The following ASCC1 variants were observed in gnomAD, a reference collection of about 807,000 sequenced individuals.
The protein encoded by ASCC1 is ASC-1 complex subunit P50.
In ASCC1, 35 loss-of-function variants were observed where a neutral mutation model predicts 46.6. The observed-to-expected ratio is 0.75, with a 90% confidence interval of 0.57 to 0.99. The LOEUF (loss-of-function observed/expected upper bound fraction) is 0.99. ASCC1 is among the 50% of genes least tolerant of loss of function. The probability of loss-of-function intolerance (pLI) is 0.00; values close to 1 mark genes in which losing one functional copy is unlikely to be tolerated. For synonymous variants in ASCC1, 143 were observed against 146.6 expected (o/e 0.98, Z 0.18); for missense variants, 376 against 428.7 (o/e 0.88, Z 1.09).
intron 5 of ASCC1, among the ~76,000 whole-genome samples, chr10:72,172,651 T>C (rs908275186): frequency 6.9e-6 from 1 of 144,958 alleles, no homozygotes; most frequent in Non-Finnish European, 1.5e-5. Flanking sequence ...CAGCCCAATG[T>C]TGAGATGTTT....
At position 72,190,526 on chromosome 10, in the gene ASCC1, A is replaced by G. The variant is rs1854261201; in HGVS notation, c.489+6285T>C. 6 of 1,564,950 alleles carry G rather than the reference A, an allele frequency of 3.8e-6. No homozygotes were observed. The African/African-American group carries it at 5.4e-5, about 14-fold the overall frequency. Reference sequence around the variant, plus strand: ...CCACCACACTATTGGTGGTTCTCGCAGGGCAGCTTGGAGAAGGCGCAATAC... The same window carrying G: ...CCACCACACTATTGGTGGTTCTCGCGGGGCAGCTTGGAGAAGGCGCAATAC... On this transcript the variant is annotated intron_variant, in intron 5 of 9. Transcript: ENST00000672957.
At chr10:72,129,998 A>C (rs1407642963) in intron 8 of ASCC1, among the ~76,000 whole-genome samples, 1 of 149,646 alleles carries the variant, frequency 6.7e-6, no homozygotes, top group African/African-American at 2.5e-5. Flanking sequence ...AAAAAAAAAA[A>C]AAAACACACA....
At chr10:72,164,651 G>A (rs944047966) in intron 5 of ASCC1, among the ~76,000 whole-genome samples, 22 of 152,272 alleles carry the variant, frequency 1.4e-4, no homozygotes, top group African/African-American at 4.3e-4. Flanking sequence ...ATATACCCAG[G>A]AGGAGAACTG....
At chr10:72,107,809 G>A (rs563351278) in intron 9 of ASCC1, among the ~76,000 whole-genome samples, 13 of 152,210 alleles carry the variant, frequency 8.5e-5, no homozygotes, top group Admixed American at 3.3e-4. Context: ...AAGGGAATGT[G>A]ATTATGTGAG....
intron 9 of ASCC1, among the ~76,000 whole-genome samples, chr10:72,117,125 A>AT (rs1188370599): frequency 6.6e-6 from 1 of 152,150 alleles, no homozygotes; most frequent in Non-Finnish European, 1.5e-5. Context: ...TAAAAAACAA[A>AT]TTTAAGCTTG....
At chr10:72,176,201 T>C (rs974716780) in intron 5 of ASCC1, among the ~76,000 whole-genome samples, 3 of 152,190 alleles carry the variant, frequency 2.0e-5, no homozygotes, top group African/African-American at 7.2e-5. Context: ...CTTCTTTCAA[T>C]AGACAGTATC....
intron 5 of ASCC1, among the ~76,000 whole-genome samples, chr10:72,178,671 G>T (rs1421389729): frequency 6.6e-6 from 1 of 152,090 alleles, no homozygotes; most frequent in Non-Finnish European, 1.5e-5. Context: ...CAGCCCACTG[G>T]GTCTTCCGAC....
chr10:72,150,398 G>C (rs1268677617), intron 7 of ASCC1, among the ~76,000 whole-genome samples: 11 of 152,156 alleles, frequency 7.2e-5, no homozygotes, highest in Admixed American at 5.9e-4. Flanking sequence ...TAGAGAATCA[G>C]ATTTTCTCTA....
chr10:72,112,300 A>G (rs1843003300), intron 9 of ASCC1, among the ~76,000 whole-genome samples: 2 of 152,326 alleles, frequency 1.3e-5, no homozygotes, highest in Middle Eastern at 6.8e-3. Context: ...TGAAAACATT[A>G]TGCTGAGTGA....
intron 7 of ASCC1, among the ~76,000 whole-genome samples, chr10:72,144,832 T>C (rs1794425754): frequency 6.6e-6 from 1 of 152,166 alleles, no homozygotes; most frequent in South Asian, 2.1e-4. Context: ...AAATATAAAA[T>C]CATTATTTTA....
At chr10:72,191,203 G>A (rs187196896) in intron 5 of ASCC1, among the ~76,000 whole-genome samples, 4,351 of 147,244 alleles carry the variant, frequency 0.03, 206 homozygotes, top group African/African-American at 0.1. Flanking sequence ...GATTACAGGC[G>A]CCCGCCACCA....
At chr10:72,148,620 A>G (rs1847914996) in intron 7 of ASCC1, among the ~76,000 whole-genome samples, 1 of 152,238 alleles carries the variant, frequency 6.6e-6, no homozygotes, top group East Asian at 1.9e-4. Context: ...ATGCTTAAAA[A>G]TTTTGATGAA....
intron 9 of ASCC1, 34 bp downstream of exon 9, chr10:72,128,048 A>G: frequency 2.0e-6 from 3 of 1,536,792 alleles, no homozygotes; most frequent in Non-Finnish European, 2.7e-6. Context: ...GACATGTGCC[A>G]AAGGATTTCC....
chr10:72,216,880 G>A (rs1200998701), upstream of ASCC1: 2 of 456,158 alleles, frequency 4.4e-6, no homozygotes, highest in Non-Finnish European at 8.8e-6. Context: ...AAATTTTACT[G>A]GGCACCTCCG....
chr10:72,202,144 A>G (rs1004231308), intron 4 of ASCC1, among the ~76,000 whole-genome samples: 28 of 152,236 alleles, frequency 1.8e-4, no homozygotes, highest in Non-Finnish European at 3.8e-4. Context: ...TTAATGAATT[A>G]TTGGAGGTTG....
At chr10:72,138,968 A>G (rs1397057637) in intron 7 of ASCC1, among the ~76,000 whole-genome samples, 2 of 152,148 alleles carry the variant, frequency 1.3e-5, no homozygotes, top group African/African-American at 4.8e-5. Context: ...GCACATAATC[A>G]GTGCTCAACA....
chr10:72,123,865 T>C (rs567448586), intron 9 of ASCC1, among the ~76,000 whole-genome samples: 8 of 152,364 alleles, frequency 5.3e-5, no homozygotes, highest in East Asian at 1.9e-4. Flanking sequence ...AGTAGTCACA[T>C]TGTTCATTTT....
rs774360944 is a variant in ASCC1 at position 72,186,903 on chromosome 10, C to CA, written c.489+9907dup. On this transcript the variant is annotated intron_variant, in intron 5 of 9. Coordinates refer to ENST00000672957, the MANE Select transcript of ASCC1 (RefSeq NM_001198800.3). ...GTTCCCTGTCAGCCATGTCAGCAGC[C>CA]AAAAAAAAAAAAAAGGAAGAAAGCG... Among the ~76,000 whole-genome samples, 534 of 56,604 alleles carry CA rather than the reference C, an allele frequency of 9.4e-3. 1 individual carries two copies. The highest frequency in any genetic ancestry group is 0.026 in the Middle Eastern group (2 of 78). The allele number at this position is 56,604 out of a possible 152,430, so 37.1% of individuals were successfully genotyped here.
At chr10:72,152,733 A>T (rs975417188) in intron 7 of ASCC1, 136 bp downstream of exon 7, 42 of 954,436 alleles carry the variant, frequency 4.4e-5, no homozygotes, top group Non-Finnish European at 5.6e-5. Flanking sequence ...ACTTACTATT[A>T]AAAAAAAAGA....
Sources: gnomAD v4.1 joint callset for allele counts (sites outside exome capture counted in the v4.1 genomes callset) on GRCh38, gnomAD v4.1.1 for gene constraint, MANE v1.5 for transcripts, NCBI Gene and HGNC (gene_info 2026-07-23, HGNC 2026-07-21) for gene names.